DAB2IP: variants seen among roughly 807,000 people sequenced by gnomAD.
DAB2IP encodes the protein DAB2 interacting protein, also known as disabled homolog 2-interacting protein.
A neutral mutation model predicts 107.2 loss-of-function variants in DAB2IP; 28 were observed. The observed-to-expected ratio is 0.26, with a 90% CI of 0.19 to 0.36. The LOEUF is 0.36. DAB2IP is among the 10% of genes least tolerant of loss of function. DAB2IP has a pLI of 1.00. For synonymous variants in DAB2IP, 755 were observed against 706.4 expected (o/e 1.07, Z -1.09); for missense variants, 1,400 against 1,644.7 (o/e 0.85, Z 2.57).
chr9:121,653,194 A>AAGACCTGGG (rs1832825518), intron 1 of DAB2IP, among the ~76,000 whole-genome samples: 3 of 73,486 alleles, frequency 4.1e-5, no homozygotes, highest in African/African-American at 4.1e-5. Context: ...GGGAGTACTA[A>AAGACCTGGG]GCCTTTAGTA....
chr9:121,780,534 G>C (rs1835536431), intron 14 of DAB2IP, among the ~76,000 whole-genome samples: 1 of 152,192 alleles, frequency 6.6e-6, no homozygotes, highest in Non-Finnish European at 1.5e-5. Context: ...AGAAGCCTTG[G>C]GAGTGGAGGG....
At chr9:121,732,132 T>C (rs1184315241) in intron 3 of DAB2IP, among the ~76,000 whole-genome samples, 3 of 152,066 alleles carry the variant, frequency 2.0e-5, no homozygotes, top group Admixed American at 6.5e-5. Context: ...ACTGTAACCG[T>C]CCTCTTTCCG....
At chr9:121,756,889 G>A in intron 3 of DAB2IP, 124 bp from the exon 4 acceptor site, 3 of 1,304,140 alleles carry the variant, frequency 2.3e-6, no homozygotes, top group Non-Finnish European at 3.3e-6. Context: ...AGACAGAAAG[G>A]AGAGAGAGTG....
chr9:121,734,639 A>G (rs910848901), intron 3 of DAB2IP, among the ~76,000 whole-genome samples: 38 of 152,204 alleles, frequency 2.5e-4, no homozygotes, highest in South Asian at 8.3e-4. Flanking sequence ...ATAACAAGAT[A>G]TTATAACAGT....
intron 10 of DAB2IP, among the ~76,000 whole-genome samples, chr9:121,769,057 C>T (rs1834505606): frequency 6.6e-6 from 1 of 152,138 alleles, no homozygotes; most frequent in Non-Finnish European, 1.5e-5. Context: ...AAGGTTACTC[C>T]CTAGACACCT....
chr9:121,598,943 G>A (rs1163950942), intron 1 of DAB2IP, among the ~76,000 whole-genome samples: 2 of 152,176 alleles, frequency 1.3e-5, no homozygotes, highest in East Asian at 3.9e-4. Flanking sequence ...AGACGTTCGC[G>A]GGACGTTCCC....
chr9:121,694,193 T>A (rs1829302698), intron 2 of DAB2IP, among the ~76,000 whole-genome samples: 1 of 152,158 alleles, frequency 6.6e-6, no homozygotes, highest in Admixed American at 6.5e-5. Flanking sequence ...GCTGTCCATC[T>A]GTTTCCCTAT....
chr9:121,757,708 C>G (rs1312740579), intron 4 of DAB2IP, among the ~76,000 whole-genome samples: 1 of 151,540 alleles, frequency 6.6e-6, no homozygotes, highest in Middle Eastern at 3.2e-3. Context: ...GGCACAAAGA[C>G]ATCAGAGGTC....
chr9:121,768,806 G>C (rs1834483991), intron 10 of DAB2IP, among the ~76,000 whole-genome samples, 173 bp downstream of exon 10: 1 of 152,230 alleles, frequency 6.6e-6, no homozygotes, highest in African/African-American at 2.4e-5. Context: ...GTGGGCAAAT[G>C]CTATGTTCAC....
At chr9:121,757,139 C>T in exon 4 of DAB2IP, 1 of 1,614,136 alleles carries the variant, frequency 6.2e-7, no homozygotes, top group South Asian at 1.1e-5. Flanking sequence ...TGCACAGCAG[C>T]ATCCTTGGCC....
chr9:121,781,596 T>C, intron 15 of DAB2IP, 45 bp downstream of exon 15: 1 of 1,586,586 alleles, frequency 6.3e-7, no homozygotes, highest in Non-Finnish European at 8.6e-7. Flanking sequence ...TTAAAGGGCC[T>C]GGGATTAGGA....
rs1013342537 is a variant in DAB2IP, at chr9:121,634,115, G to A, written c.41-44563G>A. On this transcript the variant is annotated intron_variant, in intron 1 of 16. Transcript: ENST00000259371. This position sits in a 1 kb window ranked among gnomAD's most constrained non-coding sequence, Gnocchi z 4.7. ...TGTCAGAGCCCTCTCAGGACACAAA[G>A]GGACACAGTTCTTGAAGGGTCCTCC... is the stretch of plus-strand genomic sequence containing the variant. Among the ~76,000 whole-genome samples the A allele has an allele frequency of 6.6e-6, 1 of 152,178 alleles. No individual in the cohort carries two copies.
At chr9:121,781,186 G>A (rs1835606813) in intron 14 of DAB2IP, among the ~76,000 whole-genome samples, 1 of 152,196 alleles carries the variant, frequency 6.6e-6, no homozygotes, top group Non-Finnish European at 1.5e-5. Context: ...CTTGGCTCCT[G>A]GAAGAACATC....
At chr9:121,715,149 T>C (rs989581127) in intron 3 of DAB2IP, among the ~76,000 whole-genome samples, 24 of 152,090 alleles carry the variant, frequency 1.6e-4, no homozygotes, top group African/African-American at 5.8e-4. Flanking sequence ...AGGGTGTCTC[T>C]TTAGCTAGGG....
chr9:121,710,915 G>A (rs1211880509), intron 3 of DAB2IP, among the ~76,000 whole-genome samples: 1 of 152,266 alleles, frequency 6.6e-6, no homozygotes, highest in Non-Finnish European at 1.5e-5. Context: ...ACGTAGGGAA[G>A]TGGTAGTGCC....
chr9:121,642,033 T>TCTCTCTCTCTTTCTC (rs1391697683), intron 1 of DAB2IP, among the ~76,000 whole-genome samples: 1 of 11,894 alleles, frequency 8.4e-5, no homozygotes, highest in Non-Finnish European at 1.8e-4. Context: ...CTCTCTCTCT[T>TCTCTCTCTCTTTCTC]TCTTTCTTTC....
rs1328648720 is a variant in DAB2IP at position 121,776,440 on chromosome 9, C to T, written c.3314+49C>T. ...TGGCCACAGGCACAGGCAGGGCAGCCATCGCTGCCTTCGAGGAGGCCCCTG... is the reference window on the plus strand; with the variant it reads ...TGGCCACAGGCACAGGCAGGGCAGCTATCGCTGCCTTCGAGGAGGCCCCTG... On this transcript the variant is annotated intron_variant, in intron 14 of 15. Coordinates refer to ENST00000408936, the Ensembl canonical transcript of DAB2IP. The surrounding 1 kb of genome is among the most constrained non-coding windows in gnomAD (Gnocchi z 5.4). The T allele has an allele frequency of 2.1e-6, 3 of 1,462,956 alleles. No homozygotes were observed. Among genetic ancestry groups the T allele is most frequent in the Admixed American group, 5.5e-5 (2 of 36,288 alleles). The allele number at this position is 1,462,956 out of a possible 1,614,324, so 90.6% of individuals were successfully genotyped here.
exon 16 of DAB2IP, chr9:121,783,293 T>TGA: frequency 1.4e-6 from 2 of 1,396,122 alleles, no homozygotes; most frequent in Non-Finnish European, 1.9e-6. Context: ...AGGCCCAGGC[T>TGA]GATGCTCTAG....
chr9:121,721,030 T>G (rs1203688801), intron 3 of DAB2IP, among the ~76,000 whole-genome samples: 1 of 152,212 alleles, frequency 6.6e-6, no homozygotes, highest in Non-Finnish European at 1.5e-5. Context: ...TGTGAGTTAT[T>G]GCTGCCAAAT....
Sources: gnomAD v4.1 joint callset for allele counts (sites outside exome capture counted in the v4.1 genomes callset) on GRCh38, gnomAD v4.1.1 for gene constraint, Gnocchi (gnomAD v3.1) non-coding constraint, MANE v1.5 for transcripts, NCBI Gene and HGNC (gene_info 2026-07-23, HGNC 2026-07-21) for gene names.